TOX2: variants seen among roughly 807,000 people sequenced by gnomAD.
TOX2 encodes the protein granulosa cell HMG box 1.
TOX2 carries 15 observed loss-of-function variants against 47.4 expected under a neutral mutation model. The ratio of observed to expected loss-of-function variants is 0.32; its 90% CI spans 0.21 to 0.49. TOX2 has a LOEUF of 0.49. Among genes scored for constraint, TOX2 ranks in the 20% least tolerant of loss-of-function variants. The pLI, the probability that TOX2 is intolerant of heterozygous loss-of-function variation, is 0.99. For synonymous variants in TOX2, 290 were observed against 296.6 expected (o/e 0.98, Z 0.23); for missense variants, 622 against 673.1 (o/e 0.92, Z 0.84).
At position 43,959,340 on chromosome 20, in the gene TOX2, C is replaced by T. The variant is rs116684268; in HGVS notation, c.100-14027C>T. On this transcript the variant is annotated intron_variant, in intron 1 of 8. Coordinates refer to ENST00000341197, the MANE Select transcript of TOX2 (RefSeq NM_001098797.2). ...TCGCAGCTCCCAGTCCAAAGGCCGA[C>T]GTTGAGACAGCGCTTAAAAATATAT... Among the ~76,000 whole-genome samples the T allele has an allele frequency of 2.5e-3, 378 of 152,298 alleles. 1 individual carries two copies. The highest frequency in any genetic ancestry group is 8.7e-3 in the African/African-American group (361 of 41,558).
chr20:43,946,925 C>T (rs2069483220), intron 1 of TOX2, among the ~76,000 whole-genome samples: 1 of 152,190 alleles, frequency 6.6e-6, no homozygotes, highest in African/African-American at 2.4e-5. Flanking sequence ...AATCTGGCTT[C>T]GTGCATGTGT....
At chr20:43,935,088 G>C (rs1024795732) in intron 1 of TOX2, among the ~76,000 whole-genome samples, 1 of 152,098 alleles carries the variant, frequency 6.6e-6, no homozygotes. Context: ...CTGTGCACTG[G>C]TGCCTTGGGG....
At chr20:43,939,190 C>A (rs564128364) in intron 1 of TOX2, among the ~76,000 whole-genome samples, 1 of 152,246 alleles carries the variant, frequency 6.6e-6, no homozygotes, top group Admixed American at 6.5e-5. Context: ...GGTCCTAGGA[C>A]CTTAGTTCCA....
chr20:43,929,948 T>C (rs888377296), intron 1 of TOX2, among the ~76,000 whole-genome samples: 2 of 152,174 alleles, frequency 1.3e-5, no homozygotes, highest in Admixed American at 6.5e-5. Context: ...GACATCATGA[T>C]CCACCCGCCT....
At chr20:44,009,442 A>G (rs1016196971) in intron 3 of TOX2, among the ~76,000 whole-genome samples, 2 of 152,230 alleles carry the variant, frequency 1.3e-5, no homozygotes, top group African/African-American at 4.8e-5. Context: ...TTTCTCCAGA[A>G]ATTTTTTCCT....
rs1162975982 is a variant in TOX2 at position 44,043,773 on chromosome 20, A to G, written c.412-7533A>G. 3.3e-5 allele frequency among the ~76,000 whole-genome samples: 5 copies of G among 152,370 alleles called. No homozygotes were observed. The East Asian group carries it at 9.6e-4, about 29-fold the overall frequency. On this transcript the variant is annotated intron_variant, in intron 3 of 8. Coordinates refer to ENST00000341197, the MANE Select transcript of TOX2 (RefSeq NM_001098797.2). ...TCTCATACAAATATAAGATGAAAGC[A>G]TGCCAAAAATTTATTTAAGTCGTGA... is the stretch of plus-strand genomic sequence containing the variant.
chr20:43,928,803 T>C (rs1239721624), intron 1 of TOX2, among the ~76,000 whole-genome samples: 1 of 151,980 alleles, frequency 6.6e-6, no homozygotes, highest in Non-Finnish European at 1.5e-5. Context: ...AATGTCTTTA[T>C]GATGCGTAAA....
intron 3 of TOX2, among the ~76,000 whole-genome samples, chr20:44,012,578 TCTC>T (rs1398850767): frequency 6.6e-6 from 1 of 152,134 alleles, no homozygotes. Flanking sequence ...ATTCATGCAT[TCTC>T]CTCCCAGCTT....
intron 3 of TOX2, among the ~76,000 whole-genome samples, chr20:44,041,643 T>C (rs2071333500): frequency 1.3e-5 from 2 of 152,332 alleles, no homozygotes; most frequent in Non-Finnish European, 2.9e-5. Context: ...TCACAAAGCA[T>C]GGACTCATGA....
chr20:44,053,652 GCA>G (rs146379973), intron 4 of TOX2, among the ~76,000 whole-genome samples: 2,478 of 148,598 alleles, frequency 0.017, 84 homozygotes, highest in African/African-American at 0.058. Context: ...ATACACACAT[GCA>G]CACACACTCC....
intron 1 of TOX2, among the ~76,000 whole-genome samples, chr20:43,928,349 C>T (rs531000422): frequency 3.3e-5 from 5 of 152,336 alleles, no homozygotes; most frequent in African/African-American, 7.2e-5. Flanking sequence ...TCTACAGATG[C>T]CTAAGAGCCA....
chr20:44,055,466 G>C (rs557399482), intron 5 of TOX2, among the ~76,000 whole-genome samples: 13 of 152,304 alleles, frequency 8.5e-5, no homozygotes, highest in Admixed American at 8.5e-4. Context: ...AAAAGCACAG[G>C]GGACTGAAAG....
intron 2 of TOX2, among the ~76,000 whole-genome samples, chr20:43,996,332 A>C (rs2070479580): frequency 6.6e-6 from 1 of 152,190 alleles, no homozygotes; most frequent in Non-Finnish European, 1.5e-5. Flanking sequence ...TGGTAGGGCG[A>C]CCATATAATT....
intron 2 of TOX2, among the ~76,000 whole-genome samples, chr20:44,002,266 A>G (rs2070596872): frequency 2.0e-5 from 3 of 152,050 alleles, no homozygotes; most frequent in Non-Finnish European, 4.4e-5. Context: ...AATATTCATG[A>G]CCACCTGCAA....
intron 3 of TOX2, among the ~76,000 whole-genome samples, chr20:44,028,184 C>T (rs904173823): frequency 5.9e-5 from 9 of 152,174 alleles, no homozygotes; most frequent in Admixed American, 2.6e-4. Flanking sequence ...CAGGGAAGGC[C>T]TCCTGAAGGC....
intron 1 of TOX2, among the ~76,000 whole-genome samples, chr20:43,938,292 T>G (rs1389660341): frequency 1.3e-5 from 2 of 152,158 alleles, no homozygotes; most frequent in Non-Finnish European, 1.5e-5. Context: ...CACTCACAAC[T>G]CCACCCGCTG....
chr20:43,924,352 T>A (rs895032896), intron 1 of TOX2, among the ~76,000 whole-genome samples: 2 of 147,384 alleles, frequency 1.4e-5, no homozygotes, highest in African/African-American at 5.1e-5. Context: ...TGGTAATTAA[T>A]GGAGTTTTTA....
chr20:43,973,969 C>T (rs986531512), intron 2 of TOX2, among the ~76,000 whole-genome samples: 1 of 152,160 alleles, frequency 6.6e-6, no homozygotes, highest in East Asian at 1.9e-4. Context: ...GTCTCGAACC[C>T]CAGCCTGGCC....
intron 2 of TOX2, among the ~76,000 whole-genome samples, chr20:43,984,119 G>A (rs1002529257): frequency 6.6e-6 from 1 of 152,080 alleles, no homozygotes; most frequent in African/African-American, 2.4e-5. Context: ...AGGTAACAGC[G>A]GTGATTACTG....
Sources: allele counts gnomAD v4.1 joint callset (sites outside exome capture counted in the v4.1 genomes callset), GRCh38; gene constraint gnomAD v4.1.1; transcripts MANE v1.5; gene names NCBI Gene and HGNC (gene_info 2026-07-23, HGNC 2026-07-21).